ZNF28: variants seen among roughly 807,000 people sequenced by gnomAD.
ZNF28 encodes zinc finger protein 28, also known as zinc finger protein KOX24.
A neutral mutation model predicts 7.2 loss-of-function variants in ZNF28; 5 were observed. The ratio of observed to expected loss-of-function variants is 0.70; its 90% CI spans 0.36 to 1.46. ZNF28 has a LOEUF of 1.46. Among genes scored for constraint, ZNF28 ranks in the 40% most tolerant of loss-of-function variants. The pLI, the probability that ZNF28 is intolerant of heterozygous loss-of-function variation, is 0.03. For missense variants in ZNF28, 879 were observed against 866.6 expected, an observed-to-expected ratio of 1.01 and a Z score of -0.18; for synonymous variants, 288 against 292.4, an observed-to-expected ratio of 0.99 and a Z score of 0.15.
rs550161786 is a variant in ZNF28, at chr19:52,800,886, ATTATC to A, written c.954_958del (p.Lys318AsnfsTer11). ...TTTGTATGGTTTCCCTCCAGTATAA[ATTATC>A]TTATGTGTTTCAAGGTGTGATTTGC... On this transcript the variant is annotated frameshift_variant, in exon 4 of 4. Coordinates refer to ENST00000457749, the MANE Select transcript of ZNF28 (RefSeq NM_006969.5). LOFTEE classifies it low-confidence loss of function (END_TRUNC). 8,958 of 1,613,880 alleles carry A rather than the reference ATTATC, an allele frequency of 5.6e-3. 43 individuals are homozygous for A. Among genetic ancestry groups the A allele is most frequent in the Admixed American group, 7.1e-3 (424 of 59,998 alleles).
intron 3 of ZNF28, among the ~76,000 whole-genome samples, chr19:52,802,357 G>A (rs1474339396): frequency 1.4e-5 from 2 of 146,028 alleles, no homozygotes; most frequent in Non-Finnish European, 3.0e-5. Flanking sequence ...GACAAAATGA[G>A]CCTCCATCTC....
At chr19:52,818,356 C>T (rs758409316) in intron 1 of ZNF28, among the ~76,000 whole-genome samples, 1 of 152,148 alleles carries the variant, frequency 6.6e-6, no homozygotes, top group Non-Finnish European at 1.5e-5. Context: ...GTGGAAGGAT[C>T]ACTTGAGCTC....
chr19:52,806,333 A>ACAGCCACC (rs748951035), intron 3 of ZNF28, among the ~76,000 whole-genome samples: 122 of 152,070 alleles, frequency 8.0e-4, no homozygotes, highest in Non-Finnish European at 1.5e-3. Context: ...AGCTTGGATT[A>ACAGCCACC]CAGCCACCCA....
chr19:52,802,053 A>T (rs1426471249), intron 3 of ZNF28, among the ~76,000 whole-genome samples: 1 of 152,224 alleles, frequency 6.6e-6, no homozygotes, highest in Non-Finnish European at 1.5e-5. Context: ...TATATTCTTC[A>T]TATTTACAGC....
rs117793261 is a variant in ZNF28, at chr19:52,797,770, C to T, written c.*1918G>A. On this transcript the variant is annotated 3_prime_UTR_variant, in exon 4 of 4. Coordinates refer to ENST00000457749, the MANE Select transcript of ZNF28 (RefSeq NM_006969.5). ...TAGTATTGCTCAATGATTATATAAC[C>T]GAATGTGATTTAGATTCAACACAAT... 202 of 151,976 alleles carry T rather than the reference C, an allele frequency of 1.3e-3. 1 individual carries two copies. The East Asian group carries it at 0.015, about 11-fold the overall frequency. The allele number at this position is 151,976 out of a possible 1,614,324, so 9.4% of individuals were successfully genotyped here.
chr19:52,808,068 A>G lies in ZNF28; in HGVS notation c.81T>C (p.Pro27=). 1 of 1,613,588 alleles carries G rather than the reference A, an allele frequency of 6.2e-7. No individual in the cohort carries two copies. The highest frequency in any genetic ancestry group is 8.5e-7 in the Non-Finnish European group (1 of 1,179,576). Residue 27 remains proline, a synonymous_variant, in exon 3 of 4, where the codon CCT becomes CCC. Coordinates refer to ENST00000457749, the MANE Select transcript of ZNF28 (RefSeq NM_006969.5). ...CATCCCTGTAAAGAGTCCTCTGAGC[A>G]GGGTCCAGGCATTTCCACTCCTCCT... is the stretch of plus-strand genomic sequence containing the variant. ...FSQEEWKCLD[P]AQRTLYRDVM... is the part of the protein sequence containing the mutation.
chr19:52,804,906 GAAGTT>G (rs1240774871), intron 3 of ZNF28, among the ~76,000 whole-genome samples: 4 of 152,174 alleles, frequency 2.6e-5, no homozygotes, highest in Non-Finnish European at 5.9e-5. Flanking sequence ...TTAAACAAAG[GAAGTT>G]AAGAGTCTGT....
Position 52,801,069 on chromosome 19 carries a change from G to A in ZNF28, c.776C>T (p.Ala259Val). The part of the protein sequence containing the change: ...GKVFNQKRYL[A>V]CHRRSHIDEK... ...ATCAATGTGAGATCTACGATGGCAT[G>A]CAAGGTATCGCTTCTGATTAAATAC... The change falls in exon 4 of 4, where the codon GCA (alanine) becomes GTA (valine). Residue 259 changes from alanine (A) to valine (V), a missense_variant. Ala to Val is a moderately conservative substitution (Grantham distance 64). Around this residue, in one of 2 missense-constraint regions of ZNF28, gnomAD observed 864 missense variants for 830.2 expected, o/e 1.04. Coordinates refer to ENST00000457749, the MANE Select transcript of ZNF28 (RefSeq NM_006969.5). 6.2e-7 allele frequency: 1 copy of A among 1,614,124 alleles called. No individual in the cohort carries two copies. Among genetic ancestry groups the A allele is most frequent in the Non-Finnish European group, 8.5e-7 (1 of 1,180,026 alleles).
chr19:52,799,264 A>C lies in ZNF28; in HGVS notation c.*424T>G. 1 of 422,566 alleles carries C rather than the reference A, an allele frequency of 2.4e-6. No individual in the cohort carries two copies. The highest frequency in any genetic ancestry group is 4.5e-6 in the Non-Finnish European group (1 of 221,524). 26.2% of individuals were successfully genotyped at this position (422,566 alleles called of 1,614,324 possible). A position where few individuals can be genotyped will look rare whatever the true frequency, so the allele number is the denominator to read the frequency against. On this transcript the variant is annotated 3_prime_UTR_variant, in exon 4 of 4. Coordinates refer to ENST00000457749, the MANE Select transcript of ZNF28 (RefSeq NM_006969.5). Reference sequence around the variant, plus strand: ...CCAAAGGTGTTGCCACACTCATCACATTTGTAAGGTTTCTCTCCAGTTTGA... The same window carrying C: ...CCAAAGGTGTTGCCACACTCATCACCTTTGTAAGGTTTCTCTCCAGTTTGA...
At chr19:52,806,334 C>T (rs544941958) in intron 3 of ZNF28, among the ~76,000 whole-genome samples, 2 of 151,886 alleles carry the variant, frequency 1.3e-5, no homozygotes, top group Admixed American at 6.5e-5. Context: ...GCTTGGATTA[C>T]AGCCACCCAC....
At position 52,814,591 on chromosome 19, in the gene ZNF28, A is replaced by G. The variant is rs2063098823; in HGVS notation, c.15+3353T>C. ...CCTGGACAACCGAGACTTTGTCTCA[A>G]AAAGAAAAAAAAAAGCTGGGCGAGG... On this transcript the variant is annotated intron_variant, in intron 2 of 3. Coordinates refer to ENST00000457749, the MANE Select transcript of ZNF28 (RefSeq NM_006969.5). Among the ~76,000 whole-genome samples the G allele has an allele frequency of 2.1e-5, 3 of 141,946 alleles. 1 individual carries two copies. Among genetic ancestry groups the G allele is most frequent in the African/African-American group, 8.7e-5 (3 of 34,414 alleles). The allele number at this position is 141,946 out of a possible 152,430, so 93.1% of individuals were successfully genotyped here.
Position 52,801,215 on chromosome 19 carries a change from C to A in ZNF28, c.630G>T (p.Met210Ile), listed in dbSNP as rs753506005. The A allele has an allele frequency of 3.7e-6, 6 of 1,614,022 alleles. No homozygotes were observed. The Admixed American group carries it at 6.7e-5, about 18-fold the overall frequency. ...SLLTQKRNVH[M>I]REKSFQCIES... Reference sequence around the variant, plus strand: ...CAATACATTGGAAAGATTTTTCTCTCATGTGTACATTCCGTTTTTGTGTGA... The same window carrying A: ...CAATACATTGGAAAGATTTTTCTCTAATGTGTACATTCCGTTTTTGTGTGA... Residue 210 changes from methionine to isoleucine, a missense_variant, in exon 4 of 4, where the codon ATG becomes ATT. Physicochemically the swap from Met to Ile is conservative, Grantham distance 10. Transcript: ENST00000457749.
chr19:52,818,464 A>G (rs1235391013), intron 1 of ZNF28, among the ~76,000 whole-genome samples: 1 of 152,052 alleles, frequency 6.6e-6, no homozygotes, highest in Admixed American at 6.6e-5. Flanking sequence ...TGTAATACCA[A>G]CACTCTGAAA....
Position 52,799,898 on chromosome 19 carries a change from G to A in ZNF28, c.1947C>T (p.Ser649=). 1.2e-6 allele frequency: 2 copies of A among 1,613,346 alleles called. No individual in the cohort carries two copies. The highest frequency in any genetic ancestry group is 1.1e-5 in the South Asian group (1 of 91,028). ...ECGKTFSQMS[S]LVYHHRLHSG... The stretch of plus-strand genomic sequence containing the variant: ...TATGAAGCCTATGATGGTATACGAG[G>A]GATGACATCTGACTGAAGGTCTTGC... Residue 649 remains serine (S), a synonymous_variant, in exon 4 of 4, where the codon TCC becomes TCT. Coordinates refer to ENST00000457749, the MANE Select transcript of ZNF28 (RefSeq NM_006969.5).
intron 3 of ZNF28, among the ~76,000 whole-genome samples, chr19:52,802,763 T>A (rs1244357913): frequency 7.9e-5 from 2 of 25,184 alleles, no homozygotes; most frequent in Non-Finnish European, 2.4e-4. Flanking sequence ...CGTTGTGACT[T>A]TTTTTTTTTT....
In ZNF28 at chr19:52,801,688, A is replaced by C; in HGVS notation, c.157T>G (p.Cys53Gly). ...NLVSLDISSK[C>G]MMKTFFSTGQ... ...GTTGAGAAGAATGTCTTCATCATGCATTTGGAAGAGATATCTACAAAATAT... is the reference window on the plus strand; with the variant it reads ...GTTGAGAAGAATGTCTTCATCATGCCTTTGGAAGAGATATCTACAAAATAT... The change falls in exon 4 of 4, where the codon TGC becomes GGC. Residue 53 changes from cysteine (C) to glycine (G), a missense_variant. By Grantham distance (159) the Cys-to-Gly change is radical. Coordinates refer to ENST00000457749, the MANE Select transcript of ZNF28 (RefSeq NM_006969.5). 1 of 1,611,386 alleles carries C rather than the reference A, an allele frequency of 6.2e-7. No homozygotes were observed.
intron 2 of ZNF28, among the ~76,000 whole-genome samples, chr19:52,814,826 A>G (rs58925274): frequency 0.065 from 9,436 of 146,106 alleles, 1,405 homozygotes; most frequent in African/African-American, 0.14. Context: ...GGCAGAGGCT[A>G]CAGTGAGCCA....
At chr19:52,810,431 AG>A in intron 2 of ZNF28, 1 of 1,602,234 alleles carries the variant, frequency 6.2e-7, no homozygotes. Flanking sequence ...GCCATCCCAA[AG>A]GGTTTGCATA....
At chr19:52,802,387 C>CA (rs11432218) in intron 3 of ZNF28, among the ~76,000 whole-genome samples, 134,010 of 152,014 alleles carry the variant, frequency 0.88, 59,292 homozygotes, top group East Asian at 0.91. Context: ...AAAAAACAAA[C>CA]AACAAAAAAA....
Sources: allele counts gnomAD v4.1 joint callset (sites outside exome capture counted in the v4.1 genomes callset), GRCh38; gene constraint gnomAD v4.1.1; regional missense constraint gnomAD v4.1.1; transcripts MANE v1.5; gene names NCBI Gene and HGNC (gene_info 2026-07-23, HGNC 2026-07-21).